The following CPA6 variants were observed in gnomAD, a reference collection of about 807,000 sequenced individuals.
CPA6 encodes the protein carboxypeptidase B.
Under a neutral mutation model 63.3 loss-of-function variants are expected in CPA6, and 58 were observed. That is an observed-to-expected ratio of 0.92 (90% CI 0.74 to 1.14). The LOEUF (loss-of-function observed/expected upper bound fraction) is 1.14, where lower values mean the gene tolerates loss of function less well. Ranked by LOEUF, CPA6 falls within the 50% of genes most tolerant of loss-of-function variation. The probability of loss-of-function intolerance (pLI) is 0.00; values close to 1 mark genes in which losing one functional copy is unlikely to be tolerated. For missense variants in CPA6, 565 were observed against 526.6 expected (o/e 1.07, Z -0.71); for synonymous variants, 185 against 179.0 (o/e 1.03, Z -0.27).
At chr8:67,495,122 TC>T (rs1811682187) in intron 6 of CPA6, among the ~76,000 whole-genome samples, 1 of 152,102 alleles carries the variant, frequency 6.6e-6, no homozygotes, top group African/African-American at 2.4e-5. Context: ...ATTAATCATT[TC>T]ACCAGCTTAG....
At chr8:67,672,838 C>G (rs532930217) in intron 1 of CPA6, among the ~76,000 whole-genome samples, 1 of 152,250 alleles carries the variant, frequency 6.6e-6, no homozygotes, top group South Asian at 2.1e-4. Context: ...CAAATAAGCC[C>G]TAACTGCCTC....
chr8:67,498,852 GGAAA>G (rs1324195082), intron 6 of CPA6, among the ~76,000 whole-genome samples: 1 of 152,112 alleles, frequency 6.6e-6, no homozygotes, highest in African/African-American at 2.4e-5. Context: ...GTGAATATTA[GGAAA>G]GAAAGAGAGG....
intron 2 of CPA6, among the ~76,000 whole-genome samples, chr8:67,570,294 T>A (rs1240316951): frequency 6.6e-6 from 1 of 152,196 alleles, no homozygotes; most frequent in Non-Finnish European, 1.5e-5. Context: ...ACCACTAGAC[T>A]TACCTTTACA....
chr8:67,745,806 T>C (rs1817995802), intron 1 of CPA6, among the ~76,000 whole-genome samples: 2 of 152,096 alleles, frequency 1.3e-5, no homozygotes, highest in Non-Finnish European at 2.9e-5. Flanking sequence ...ATAAAAAGTA[T>C]AAAAAGCCAG....
intron 1 of CPA6, among the ~76,000 whole-genome samples, chr8:67,667,361 C>T (rs1034631691): frequency 5.3e-5 from 8 of 152,078 alleles, no homozygotes; most frequent in Admixed American, 4.6e-4. Flanking sequence ...CCCCAGGTTT[C>T]CCCAAGAGCA....
chr8:67,593,276 A>G (rs12547143), intron 2 of CPA6, among the ~76,000 whole-genome samples: 81,754 of 145,924 alleles, frequency 0.56, 24,847 homozygotes, highest in African/African-American at 0.82. Flanking sequence ...CTGTTCTTTT[A>G]CATTTGCTGA....
At chr8:67,555,670 A>C (rs1186124102) in intron 2 of CPA6, among the ~76,000 whole-genome samples, 1 of 152,146 alleles carries the variant, frequency 6.6e-6, no homozygotes, top group Non-Finnish European at 1.5e-5. Flanking sequence ...CAGCCTGGGC[A>C]TCCCATTTGT....
intron 2 of CPA6, among the ~76,000 whole-genome samples, chr8:67,518,588 T>A (rs1172912209): frequency 6.7e-6 from 1 of 149,538 alleles, no homozygotes; most frequent in Non-Finnish European, 1.5e-5. Flanking sequence ...TTCCCTGCAA[T>A]CTCTGCCTCC....
intron 2 of CPA6, among the ~76,000 whole-genome samples, chr8:67,530,729 A>G (rs1200196373): frequency 2.0e-5 from 3 of 152,216 alleles, no homozygotes; most frequent in African/African-American, 4.8e-5. Flanking sequence ...TGGGGCCCAA[A>G]GTTGGTAGTT....
chr8:67,594,667 C>T (rs1329461071), intron 2 of CPA6, among the ~76,000 whole-genome samples: 9 of 152,160 alleles, frequency 5.9e-5, no homozygotes, highest in South Asian at 2.1e-4. Flanking sequence ...TCCAGTTGAT[C>T]GCATTGGCTC....
intron 6 of CPA6, among the ~76,000 whole-genome samples, chr8:67,487,828 A>C (rs1013775550): frequency 2.0e-5 from 3 of 152,032 alleles, no homozygotes; most frequent in African/African-American, 7.2e-5. Flanking sequence ...GCATTTTTTC[A>C]TGTGTCTTTT....
intron 1 of CPA6, among the ~76,000 whole-genome samples, chr8:67,713,889 C>T (rs905520149): frequency 1.3e-5 from 2 of 152,200 alleles, no homozygotes; most frequent in African/African-American, 2.4e-5. Context: ...TTGCTATTTA[C>T]TTTCTGCTTT....
In CPA6 at chr8:67,633,469, C is replaced by T. The variant is rs183945092; in HGVS notation, c.117-9218G>A. On this transcript the variant is annotated intron_variant, in intron 1 of 10. Coordinates refer to ENST00000297770, the MANE Select transcript of CPA6 (RefSeq NM_020361.5). Reference sequence around the variant, plus strand: ...GGCCAAGGCGGGTGGATCACGAGGTCAGGAGATCGAGACCATCATGGCTAA... The same window carrying T: ...GGCCAAGGCGGGTGGATCACGAGGTTAGGAGATCGAGACCATCATGGCTAA... Among the ~76,000 whole-genome samples the T allele has an allele frequency of 5.7e-3, 875 of 152,234 alleles. 7 individuals carry two copies. The highest frequency in any genetic ancestry group is 0.02 in the African/African-American group (816 of 41,560).
chr8:67,486,084 T>C (rs111468320), intron 6 of CPA6, among the ~76,000 whole-genome samples: 18 of 152,262 alleles, frequency 1.2e-4, no homozygotes, highest in Admixed American at 1.1e-3. Context: ...TAATGTTTGT[T>C]GAATTTTAGC....
intron 1 of CPA6, among the ~76,000 whole-genome samples, chr8:67,668,293 C>T (rs531333042): frequency 2.0e-5 from 3 of 152,180 alleles, no homozygotes; most frequent in African/African-American, 7.2e-5. Context: ...TTTTCTATAC[C>T]CACTTCAACA....
intron 2 of CPA6, among the ~76,000 whole-genome samples, chr8:67,575,768 G>A (rs1813607788): frequency 6.6e-6 from 1 of 150,874 alleles, no homozygotes; most frequent in Non-Finnish European, 1.5e-5. Flanking sequence ...TGAGGCAGGA[G>A]AATTGCTTGA....
intron 2 of CPA6, among the ~76,000 whole-genome samples, chr8:67,622,712 GC>G (rs1815109544): frequency 6.6e-6 from 1 of 152,144 alleles, no homozygotes; most frequent in Non-Finnish European, 1.5e-5. Context: ...ATCTCCAGAA[GC>G]CACAATGTCT....
chr8:67,683,835 G>A (rs1476709177), intron 1 of CPA6, among the ~76,000 whole-genome samples: 1 of 150,686 alleles, frequency 6.6e-6, no homozygotes, highest in Admixed American at 6.6e-5. Flanking sequence ...TCTTCATATT[G>A]GGGGGAGGGG....
At chr8:67,627,553 A>G (rs1219827195) in intron 1 of CPA6, among the ~76,000 whole-genome samples, 1 of 152,236 alleles carries the variant, frequency 6.6e-6, no homozygotes, top group Non-Finnish European at 1.5e-5. Flanking sequence ...GGTTGAGGTT[A>G]GAAAGACTAC....
Sources: allele counts gnomAD v4.1 joint callset (sites outside exome capture counted in the v4.1 genomes callset), GRCh38; gene constraint gnomAD v4.1.1; transcripts MANE v1.5; gene names NCBI Gene and HGNC (gene_info 2026-07-23, HGNC 2026-07-21).